The following TYW2 variants were observed in gnomAD, a reference collection of about 807,000 sequenced individuals.
The protein encoded by TYW2 is tRNA wybutosine-synthesizing protein 2, also known as tRNA wybutosine-synthesizing protein 2 homolog.
chr8:124,451,010 G>C, the TYW2 span: 5 of 1,614,016 alleles, frequency 3.1e-6, no homozygotes, highest in African/African-American at 6.7e-5. Flanking sequence ...ACTGAGCCTT[G>C]GTTTACCCAG....
At chr8:124,450,820 A>C in the TYW2 span, 1 of 1,367,186 alleles carries the variant, frequency 7.3e-7, no homozygotes, top group Non-Finnish European at 9.9e-7. Flanking sequence ...TTTGCACGTC[A>C]TTTCCGGCAC....
At chr8:124,451,464 A>G in the TYW2 span, 4 of 1,614,066 alleles carry the variant, frequency 2.5e-6, no homozygotes, top group African/African-American at 2.7e-5. Context: ...GAGGGCGGGT[A>G]TCACCGGATG....
At chr8:124,451,354 C>G in the TYW2 span, 2 of 1,614,136 alleles carry the variant, frequency 1.2e-6, no homozygotes, top group South Asian at 1.1e-5. Context: ...TCTCTTGTTG[C>G]TGAGTGAAGA....
At chr8:124,451,935 C>A in the TYW2 span, 3 of 1,614,166 alleles carry the variant, frequency 1.9e-6, no homozygotes, top group South Asian at 3.3e-5. Flanking sequence ...TGCATATCCA[C>A]CAAAATGTGG....
chr8:124,451,122 G>C, the TYW2 span: 1 of 1,614,184 alleles, frequency 6.2e-7, no homozygotes, highest in South Asian at 1.1e-5. Flanking sequence ...TGGGAGAGAC[G>C]CTTCCAGAGC....
the TYW2 span, chr8:124,451,580 C>T: frequency 1.9e-6 from 3 of 1,614,140 alleles, no homozygotes; most frequent in African/African-American, 1.3e-5. Context: ...TGTATGTTCT[C>T]CTTTGGAAAC....
chr8:124,452,633 A>G, the TYW2 span: 1 of 233,220 alleles, frequency 4.3e-6, no homozygotes, highest in Non-Finnish European at 9.2e-6. Flanking sequence ...CTATTAAGCA[A>G]CTATACACAG....
At chr8:124,451,584 T>TG in the TYW2 span, 7 of 1,614,188 alleles carry the variant, frequency 4.3e-6, no homozygotes, top group Non-Finnish European at 5.9e-6. Flanking sequence ...TGTTCTCCTT[T>TG]GGAAACATCA....
At chr8:124,452,122 G>T in the TYW2 span, 2 of 1,614,252 alleles carry the variant, frequency 1.2e-6, no homozygotes, top group Admixed American at 3.3e-5. Flanking sequence ...GGCAGAATCT[G>T]CAGAAACTCG....
the TYW2 span, chr8:124,451,450 A>G: frequency 5.6e-6 from 9 of 1,614,044 alleles, no homozygotes; most frequent in Non-Finnish European, 7.6e-6. Flanking sequence ...GCGTTTGGCA[A>G]AACGAGGGCG....
chr8:124,451,045 C>T, the TYW2 span: 2 of 1,614,162 alleles, frequency 1.2e-6, no homozygotes, highest in Non-Finnish European at 1.7e-6. Context: ...TCTCCAGAGG[C>T]AGAAACTCTT....
chr8:124,451,094 C>T, the TYW2 span: 3 of 1,614,148 alleles, frequency 1.9e-6, no homozygotes, highest in South Asian at 2.2e-5. Flanking sequence ...CCGGATGGCT[C>T]GGTGGCGCTA....
At chr8:124,452,442 T>C in the TYW2 span, 17 of 657,032 alleles carry the variant, frequency 2.6e-5, no homozygotes, top group Admixed American at 6.8e-5. Flanking sequence ...TTGTCTTTCA[T>C]TGATAACAGA....
chr8:124,452,139 C>G, the TYW2 span: 1 of 1,614,238 alleles, frequency 6.2e-7, no homozygotes, highest in Non-Finnish European at 8.5e-7. Context: ...CTCGAATCGC[C>G]ACTCTTCTTC....
chr8:124,452,504 A>T, the TYW2 span: 3 of 522,620 alleles, frequency 5.7e-6, no homozygotes, highest in African/African-American at 5.8e-5. Context: ...AATGAGGCTC[A>T]TCTGTGCAAT....
chr8:124,452,340 C>G, the TYW2 span: 1 of 1,522,040 alleles, frequency 6.6e-7, no homozygotes, highest in South Asian at 1.3e-5. Context: ...CAGTTCAGTC[C>G]AGGTTGTCAT....
the TYW2 span, chr8:124,451,064 A>G: frequency 7.4e-5 from 120 of 1,614,030 alleles, no homozygotes; most frequent in Non-Finnish European, 9.3e-5. Flanking sequence ...TTTGATACAC[A>G]GCACCGTGTG....
At chr8:124,451,804 G>C in the TYW2 span, 1 of 1,614,188 alleles carries the variant, frequency 6.2e-7, no homozygotes, top group South Asian at 1.1e-5. Context: ...ACACTTTGGA[G>C]ATAACAGAAA....
the TYW2 span, chr8:124,452,348 C>T: frequency 6.7e-7 from 1 of 1,488,280 alleles, no homozygotes; most frequent in African/African-American, 1.4e-5. Context: ...TCCAGGTTGT[C>T]ATCCCTTTTG....
Sources: gnomAD v4.1 joint callset for allele counts on GRCh38, gnomAD v4.1.1 for gene constraint, MANE v1.5 for transcripts, NCBI Gene and HGNC (gene_info 2026-07-23, HGNC 2026-07-21) for gene names.